The following AKAP11 variants were observed in gnomAD, a reference collection of about 807,000 sequenced individuals.
AKAP11 encodes the protein A-kinase anchoring protein 11.
In AKAP11, 36 loss-of-function variants were observed where a neutral mutation model predicts 146.1. The observed-to-expected ratio is 0.25, with a 90% CI of 0.19 to 0.33. The LOEUF (loss-of-function observed/expected upper bound fraction) is 0.33, where lower values mean the gene tolerates loss of function less well. Among genes scored for constraint, AKAP11 ranks in the 10% least tolerant of loss-of-function variants. The pLI is 1.00. For missense variants in AKAP11, 2,201 were observed against 2,197.0 expected (o/e 1.00, Z -0.04); for synonymous variants, 780 against 786.5 (o/e 0.99, Z 0.14).
chr13:42,289,616 T>C (rs9525604), intron 3 of AKAP11, among the ~76,000 whole-genome samples: 19,430 of 152,104 alleles, frequency 0.13, 1,390 homozygotes, highest in South Asian at 0.2. Flanking sequence ...CAGGATGACC[T>C]AATTTCACCT....
intron 8 of AKAP11, among the ~76,000 whole-genome samples, chr13:42,307,973 C>T (rs1216762985): frequency 1.3e-5 from 2 of 152,114 alleles, no homozygotes; most frequent in Non-Finnish European, 2.9e-5. Context: ...GGGTTATGAT[C>T]TATGTTCAAA....
In AKAP11 at chr13:42,300,764, C is replaced by A; in HGVS notation, c.2018C>A (p.Ser673Tyr). 2 of 1,614,104 alleles carry A rather than the reference C, an allele frequency of 1.2e-6. No homozygotes were observed. Among genetic ancestry groups the A allele is most frequent in the Non-Finnish European group, 1.7e-6 (2 of 1,179,964 alleles). The change falls in exon 8 of 13, where the codon TCT becomes TAT. Residue 673 changes from serine (S) to tyrosine (Y), a missense_variant. Ser to Tyr is a moderately radical substitution (Grantham distance 144, BLOSUM62 -2). This residue lies in a region of AKAP11 where 1,867 missense variants were observed against 1,833.5 expected (regional missense o/e 1.02). Transcript: ENST00000025301. ...TTTTCATATCCTCAAACGCCTGCAT[C>A]TCCACAGTGTGGGTCGTTTGACTTT... ...CQFSYPQTPASPQCGSFDFED... is the reference protein window; with the variant it reads ...CQFSYPQTPAYPQCGSFDFED...
rs1401710409 is a variant in AKAP11, at chr13:42,299,746, G to A, written c.1000G>A (p.Glu334Lys). 6.2e-7 allele frequency: 1 copy of A among 1,613,888 alleles called. No homozygotes were observed. The highest frequency in any genetic ancestry group is 1.7e-5 in the Admixed American group (1 of 59,990). Residue 334 changes from glutamate to lysine, a missense_variant, in exon 8 of 13, where the codon GAG (glutamate) becomes AAG (lysine). Glu to Lys is a moderately conservative substitution (Grantham distance 56, BLOSUM62 1). Coordinates refer to ENST00000025301, the MANE Select transcript of AKAP11 (RefSeq NM_016248.4). ...TCAAAAAAGCTTAAAAGCAAAACTTGAGCTGCCTAAAATTCCTGTGATGAA... is the reference window on the plus strand; with the variant it reads ...TCAAAAAAGCTTAAAAGCAAAACTTAAGCTGCCTAAAATTCCTGTGATGAA... ...GYQKSLKAKL[E>K]LPKIPVMKDD... is the part of the protein sequence containing the mutation.
chr13:42,280,621 C>T (rs1352891422), intron 1 of AKAP11, among the ~76,000 whole-genome samples: 1 of 152,172 alleles, frequency 6.6e-6, no homozygotes, highest in Non-Finnish European at 1.5e-5. Context: ...CTTTTGTCCT[C>T]ATGGAACTTA....
intron 2 of AKAP11, 61 bp from the exon 3 acceptor site, chr13:42,286,239 C>T: frequency 1.6e-6 from 1 of 633,570 alleles, no homozygotes; most frequent in Non-Finnish European, 2.6e-6. Context: ...TAATTTAGCA[C>T]AAAATGCTTG....
At chr13:42,272,495 T>C (rs1311532372) in intron 1 of AKAP11, among the ~76,000 whole-genome samples, 1 of 152,176 alleles carries the variant, frequency 6.6e-6, no homozygotes, top group African/African-American at 2.4e-5. Context: ...CGCGTCTTCC[T>C]GGGGTCCCAA....
intron 1 of AKAP11, among the ~76,000 whole-genome samples, chr13:42,277,808 A>C (rs1380893022): frequency 2.0e-5 from 3 of 152,242 alleles, no homozygotes; most frequent in Admixed American, 6.5e-5. Flanking sequence ...TGGCGATGGA[A>C]TGAAATTCAC....
chr13:42,303,972 A>G, intron 8 of AKAP11, 109 bp downstream of exon 8: 1 of 1,338,606 alleles, frequency 7.5e-7, no homozygotes, highest in South Asian at 1.7e-5. Context: ...AACCCTACAT[A>G]AACAAAAGTT....
At position 42,308,814 on chromosome 13, in the gene AKAP11, G is replaced by A. The variant is rs960942022; in HGVS notation, c.5273+205G>A. 5.9e-5 allele frequency among the ~76,000 whole-genome samples: 9 copies of A among 152,058 alleles called. No homozygotes were observed. The South Asian group carries it at 8.3e-4, about 14-fold the overall frequency. ...AGCCCAGCTAATTTTATTGGGGTGT[G>A]CCAATAGTTGATTTGAAAAATATTG... On this transcript the variant is annotated intron_variant, in intron 9 of 12. Coordinates refer to ENST00000025301, the MANE Select transcript of AKAP11 (RefSeq NM_016248.4).
chr13:42,282,688 TTTTG>T (rs746248207), intron 1 of AKAP11, among the ~76,000 whole-genome samples: 12 of 152,332 alleles, frequency 7.9e-5, no homozygotes, highest in South Asian at 2.1e-4. Context: ...TGTTCTGCTT[TTTTG>T]TTATTTCTAA....
At chr13:42,271,903 CT>C (rs1386759760), upstream of AKAP11, among the ~76,000 whole-genome samples, 2 of 151,580 alleles carry the variant, frequency 1.3e-5, no homozygotes, top group African/African-American at 2.4e-5. Flanking sequence ...CGTGGGAAGG[CT>C]TTTTTTCCTG....
intron 3 of AKAP11, among the ~76,000 whole-genome samples, chr13:42,289,504 A>G (rs964471896): frequency 6.6e-6 from 1 of 152,114 alleles, no homozygotes; most frequent in African/African-American, 2.4e-5. Context: ...AATTTTTCCA[A>G]AATTGATACC....
chr13:42,284,447 T>G (rs1158152408), intron 1 of AKAP11, among the ~76,000 whole-genome samples: 1 of 152,226 alleles, frequency 6.6e-6, no homozygotes, highest in Non-Finnish European at 1.5e-5. Context: ...CCTCTGAGGC[T>G]TTCTGGCAGT....
Position 42,300,521 on chromosome 13 carries a change from T to C in AKAP11, c.1775T>C (p.Leu592Ser), listed in dbSNP as rs1959807254. 6.2e-7 allele frequency: 1 copy of C among 1,613,992 alleles called. No individual in the cohort carries two copies. Among genetic ancestry groups the C allele is most frequent in the African/African-American group, 1.3e-5 (1 of 74,932 alleles). ...HLAIKLTSSV[L>S]QMAFDELRRQ... ...GCCATCAAATTGACATCATCTGTTT[T>C]GCAGATGGCATTTGATGAGCTGAGA... The change falls in exon 8 of 13, where the codon TTG becomes TCG. Residue 592 changes from leucine to serine, a missense_variant. Physicochemically the swap from Leu to Ser is moderately radical, Grantham distance 145 (BLOSUM62 -2). This residue lies in a region of AKAP11 where 1,867 missense variants were observed against 1,833.5 expected (regional missense o/e 1.02). Transcript: ENST00000025301.
At chr13:42,295,819 T>C (rs1411649431) in intron 5 of AKAP11, 77 bp downstream of exon 5, 1 of 1,382,056 alleles carries the variant, frequency 7.2e-7, no homozygotes, top group Non-Finnish European at 1.0e-6. Flanking sequence ...AAAAGTCATT[T>C]ATCTGAGAAG....
At chr13:42,309,996 A>G (rs540047737) in intron 9 of AKAP11, among the ~76,000 whole-genome samples, 1 of 152,312 alleles carries the variant, frequency 6.6e-6, no homozygotes, top group Non-Finnish European at 1.5e-5. Flanking sequence ...CCTCCTTAGC[A>G]TTATTTATTA....
In AKAP11 at chr13:42,301,845, A is replaced by G; in HGVS notation, c.3099A>G (p.Lys1033=). The change falls in exon 8 of 13, where the codon AAA becomes AAG. Residue 1033 remains lysine, a synonymous_variant. Transcript: ENST00000025301. ...LPSCPAVTGQ[K]SDLKESAKDQ... is the part of the protein sequence containing the mutation. ...CTTGTCCAGCTGTGACAGGTCAGAA[A>G]TCTGACTTGAAGGAATCTGCTAAGG... is the stretch of plus-strand genomic sequence containing the variant. 2 of 1,614,178 alleles carry G rather than the reference A, an allele frequency of 1.2e-6. No homozygotes were observed. The highest frequency in any genetic ancestry group is 1.7e-6 in the Non-Finnish European group (2 of 1,180,006).
At chr13:42,292,849 A>G (rs1045851642) in intron 4 of AKAP11, among the ~76,000 whole-genome samples, 1 of 152,208 alleles carries the variant, frequency 6.6e-6, no homozygotes, top group African/African-American at 2.4e-5. Flanking sequence ...GAACAAATGC[A>G]TGATTCTTAT....
At position 42,294,560 on chromosome 13, in the gene AKAP11, G is replaced by A. The variant is rs552378110; in HGVS notation, c.169-1135G>A. On this transcript the variant is annotated intron_variant, in intron 4 of 12. Coordinates refer to ENST00000025301, the MANE Select transcript of AKAP11 (RefSeq NM_016248.4). ...TGGGACTATAGGCATGCACCACCAT[G>A]CCTGGCTAATTTTTTGTATTTTTAG... 1.3e-3 allele frequency among the ~76,000 whole-genome samples: 202 copies of A among 152,014 alleles called. 2 individuals are homozygous for A. Among genetic ancestry groups the A allele is most frequent in the Non-Finnish European group, 3.8e-4 (26 of 67,980 alleles).
Sources: allele counts gnomAD v4.1 joint callset (sites outside exome capture counted in the v4.1 genomes callset), GRCh38; gene constraint gnomAD v4.1.1; regional missense constraint gnomAD v4.1.1; transcripts MANE v1.5; gene names NCBI Gene and HGNC (gene_info 2026-07-23, HGNC 2026-07-21).